The following DLC1 variants were observed in gnomAD, a reference collection of about 807,000 sequenced individuals.
The protein encoded by DLC1 is DLC1 Rho GTPase activating protein, also known as rho GTPase-activating protein 7.
A neutral mutation model predicts 140.3 loss-of-function variants in DLC1; 54 were observed. The ratio of observed to expected loss-of-function variants is 0.38; its 90% CI spans 0.31 to 0.48. DLC1 has a LOEUF of 0.48. Ranked by LOEUF, DLC1 falls within the 20% of genes least tolerant of loss-of-function variation. DLC1 has a pLI of 0.96. For synonymous variants in DLC1, 986 were observed against 728.1 expected (o/e 1.35, Z -5.70); for missense variants, 2,536 against 1,907.0 (o/e 1.33, Z -6.14).
chr8:13,175,948 T>G (rs2116949864), intron 5 of DLC1, among the ~76,000 whole-genome samples: 1 of 152,200 alleles, frequency 6.6e-6, no homozygotes, highest in East Asian at 1.9e-4. Context: ...TTACAGAATG[T>G]TATATAAACA....
intron 2 of DLC1, among the ~76,000 whole-genome samples, chr8:13,450,410 G>C (rs1169307668): frequency 7.7e-6 from 1 of 130,412 alleles, no homozygotes; most frequent in African/African-American, 2.8e-5. Flanking sequence ...AGCCAAGATA[G>C]TGCCACTGCA....
chr8:13,328,815 G>A (rs1833475485), intron 4 of DLC1, among the ~76,000 whole-genome samples: 1 of 152,148 alleles, frequency 6.6e-6, no homozygotes, highest in Admixed American at 6.5e-5. Context: ...TGATGTCACA[G>A]AAGCGGAAGG....
At chr8:13,295,545 G>C (rs1022425734) in intron 5 of DLC1, among the ~76,000 whole-genome samples, 1 of 152,122 alleles carries the variant, frequency 6.6e-6, no homozygotes, top group African/African-American at 2.4e-5. Context: ...ACTCTTTAAG[G>C]TTTCCTACTT....
chr8:13,516,413 TGTA>T (rs1381818565), upstream of DLC1, among the ~76,000 whole-genome samples: 2 of 152,222 alleles, frequency 1.3e-5, no homozygotes, highest in Non-Finnish European at 2.9e-5. Flanking sequence ...AGGGCTATCT[TGTA>T]GTACTTTTTG....
rs150661915 is a variant in DLC1 at position 13,096,550 on chromosome 8, G to A, written c.3168-1305C>T. ...CTTTGTCGGGGGAGAAAAGCCCGAC[G>A]GCGGAATGTGAAAAGAACACATTAC... is the stretch of plus-strand genomic sequence containing the variant. On this transcript the variant is annotated intron_variant, in intron 10 of 17. Coordinates refer to ENST00000276297, the MANE Select transcript of DLC1 (RefSeq NM_182643.3). Among the ~76,000 whole-genome samples, 307 of 151,954 alleles carry A rather than the reference G, an allele frequency of 2.0e-3. 4 individuals carry two copies. Among genetic ancestry groups the A allele is most frequent in the Non-Finnish European group, 1.6e-3 (106 of 67,956 alleles).
At chr8:13,146,745 G>A (rs1317263239) in intron 5 of DLC1, among the ~76,000 whole-genome samples, 1 of 152,098 alleles carries the variant, frequency 6.6e-6, no homozygotes, top group African/African-American at 2.4e-5. Context: ...TCCAAGATAA[G>A]AGTTATGGCA....
chr8:13,355,849 C>CT (rs1834917443), intron 4 of DLC1, among the ~76,000 whole-genome samples: 1 of 151,844 alleles, frequency 6.6e-6, no homozygotes, highest in East Asian at 1.9e-4. Flanking sequence ...CTTTGGGAGG[C>CT]TAAGGTGGGC....
At chr8:13,243,135 C>T (rs1363240520) in intron 5 of DLC1, among the ~76,000 whole-genome samples, 1 of 151,670 alleles carries the variant, frequency 6.6e-6, no homozygotes, top group African/African-American at 2.4e-5. Context: ...ACTAAAAATA[C>T]AAAAATTAGC....
intron 1 of DLC1, among the ~76,000 whole-genome samples, chr8:13,542,405 T>C (rs1803515501): frequency 6.6e-6 from 1 of 152,254 alleles, no homozygotes; most frequent in African/African-American, 2.4e-5. Context: ...CATTGGTCTA[T>C]AGATCTGTCT....
chr8:13,377,274 A>G (rs1368655677), intron 4 of DLC1, among the ~76,000 whole-genome samples: 1 of 152,184 alleles, frequency 6.6e-6, no homozygotes, highest in Non-Finnish European at 1.5e-5. Context: ...ATGAGTGTAG[A>G]AGTGTGGAAT....
At chr8:13,236,429 A>T (rs926018157) in intron 5 of DLC1, among the ~76,000 whole-genome samples, 1 of 152,112 alleles carries the variant, frequency 6.6e-6, no homozygotes, top group African/African-American at 2.4e-5. Flanking sequence ...TTGGCATTGA[A>T]AACAGAATTG....
intron 5 of DLC1, among the ~76,000 whole-genome samples, chr8:13,148,736 T>C (rs1234312495): frequency 3.9e-5 from 6 of 152,162 alleles, no homozygotes; most frequent in African/African-American, 1.4e-4. Context: ...TTCTCATTCT[T>C]CTATGCATTT....
intron 4 of DLC1, among the ~76,000 whole-genome samples, chr8:13,309,690 G>T (rs573962904): frequency 6.6e-6 from 1 of 152,248 alleles, no homozygotes; most frequent in South Asian, 2.1e-4. Flanking sequence ...CTTTTGGTCT[G>T]CTGCAGAAAT....
intron 2 of DLC1, among the ~76,000 whole-genome samples, chr8:13,493,967 A>T (rs1344310373): frequency 6.6e-6 from 1 of 152,202 alleles, no homozygotes; most frequent in Non-Finnish European, 1.5e-5. Flanking sequence ...TCAGTCATAG[A>T]CAATGTATTA....
At chr8:13,159,955 C>T (rs1199312603) in intron 5 of DLC1, among the ~76,000 whole-genome samples, 8 of 151,590 alleles carry the variant, frequency 5.3e-5, no homozygotes, top group Non-Finnish European at 1.2e-4. Flanking sequence ...GTCAGGAGTT[C>T]GAGACCAGCC....
At chr8:13,434,736 T>C (rs1839039388) in intron 2 of DLC1, among the ~76,000 whole-genome samples, 1 of 152,186 alleles carries the variant, frequency 6.6e-6, no homozygotes, top group Admixed American at 6.5e-5. Flanking sequence ...TGGAGTGCAC[T>C]TGCAGTCTCG....
chr8:13,102,766 C>A lies in DLC1; in HGVS notation c.1566+24G>T, dbSNP rs758117540. 7 of 1,604,118 alleles carry A rather than the reference C, an allele frequency of 4.4e-6. No individual in the cohort carries two copies. The East Asian group carries it at 1.3e-4, about 31-fold the overall frequency. ...TTGTTTGCCCCTTTTCCCCCTCATT[C>A]TATTATGCAATTTGTATACTCACTC... On this transcript the variant is annotated intron_variant, in intron 8 of 17. Transcript: ENST00000276297.
At chr8:13,344,313 G>A (rs1231856437) in intron 4 of DLC1, among the ~76,000 whole-genome samples, 3 of 152,112 alleles carry the variant, frequency 2.0e-5, no homozygotes, top group Admixed American at 6.5e-5. Flanking sequence ...GACCAACATG[G>A]TGAAACTTTG....
At chr8:13,115,714 T>C (rs1585669766) in intron 5 of DLC1, 57 bp from the exon 6 acceptor site, 11 of 1,539,016 alleles carry the variant, frequency 7.1e-6, no homozygotes, top group Non-Finnish European at 8.9e-6. Flanking sequence ...CATGCTTATT[T>C]TTCCTGAATA....
Sources: gnomAD v4.1 joint callset for allele counts (sites outside exome capture counted in the v4.1 genomes callset) on GRCh38, gnomAD v4.1.1 for gene constraint, MANE v1.5 for transcripts, NCBI Gene and HGNC (gene_info 2026-07-23, HGNC 2026-07-21) for gene names.